The following GALNS variants were observed in gnomAD, a reference collection of about 807,000 sequenced individuals.
GALNS encodes N-acetylgalactosamine-6-sulfatase.
GALNS carries 65 observed loss-of-function variants against 65.9 expected under a neutral mutation model. That is an observed-to-expected ratio of 0.99 (90% CI 0.81 to 1.21). The LOEUF is 1.21. Among genes scored for constraint, GALNS ranks in the 50% most tolerant of loss-of-function variants. The pLI is 0.00. For synonymous variants in GALNS, 346 were observed against 288.9 expected, an observed-to-expected ratio of 1.20 and a Z score of -2.00; for missense variants, 776 against 700.7, an observed-to-expected ratio of 1.11 and a Z score of -1.21.
At position 88,818,036 on chromosome 16, in the gene GALNS, G is replaced by T. The variant is rs1277025124; in HGVS notation, c.1453C>A (p.Gln485Lys). Residue 485 changes from glutamine (Q) to lysine (K), a missense_variant, in exon 13 of 14, where the codon CAG (glutamine) becomes AAG (lysine). By Grantham distance (53) the Gln-to-Lys change is moderately conservative. Transcript: ENST00000268695. ...HQEALVPAQP[Q>K]LNVCNWAVMN... ...ACCGCCCAGTTGCACACGTTGAGCT[G>T]GGGCTGCGCGGGGACCAAGGCCTCC... 1.9e-6 allele frequency: 3 copies of T among 1,581,480 alleles called. No individual in the cohort carries two copies. The highest frequency in any genetic ancestry group is 2.3e-5 in the East Asian group (1 of 43,334).
intron 11 of GALNS, among the ~76,000 whole-genome samples, 176 bp from the exon 12 acceptor site, chr16:88,822,886 G>A (rs192600348): frequency 1.3e-5 from 2 of 152,254 alleles, no homozygotes; most frequent in African/African-American, 4.8e-5. Flanking sequence ...GCCTAGCAGC[G>A]TCCCTGGTAC....
chr16:88,839,661 G>A (rs948026024), intron 4 of GALNS, among the ~76,000 whole-genome samples: 10 of 152,234 alleles, frequency 6.6e-5, no homozygotes, highest in Admixed American at 5.2e-4. Context: ...CTGAGCAGCC[G>A]CTGTAGGACC....
intron 8 of GALNS, among the ~76,000 whole-genome samples, chr16:88,832,666 G>A (rs1240451929): frequency 6.6e-6 from 1 of 152,200 alleles, no homozygotes; most frequent in Non-Finnish European, 1.5e-5. Context: ...ATGGAAGAAG[G>A]GGGTGGGGGG....
chr16:88,843,735 G>C (rs1292487391), intron 1 of GALNS: 1 of 146,202 alleles, frequency 6.8e-6, no homozygotes, highest in Non-Finnish European at 1.4e-5. Flanking sequence ...CCAGAATCCG[G>C]CAAGAATCCA....
intron 13 of GALNS, chr16:88,815,840 AG>A (rs1909564646): frequency 1.0e-6 from 1 of 984,510 alleles, no homozygotes; most frequent in African/African-American, 1.8e-5. Flanking sequence ...AGGCAGCCGC[AG>A]GGTGTGTTTG....
chr16:88,826,127 C>G (rs972117977), intron 10 of GALNS, among the ~76,000 whole-genome samples: 1 of 141,264 alleles, frequency 7.1e-6, no homozygotes, highest in Non-Finnish European at 1.5e-5. Context: ...CCAGGCTGGG[C>G]AGGGAACAGG....
At chr16:88,835,623 C>G (rs1912039364) in intron 7 of GALNS, 102 bp downstream of exon 7, 2 of 1,565,658 alleles carry the variant, frequency 1.3e-6, no homozygotes, top group Admixed American at 1.7e-5. Context: ...TCTGGCCTTT[C>G]CATAATTGGC....
At chr16:88,842,293 C>A (rs779828407) in intron 2 of GALNS, 8 of 529,452 alleles carry the variant, frequency 1.5e-5, no homozygotes, top group Non-Finnish European at 2.1e-5. Context: ...CAGCCCCGTG[C>A]CCTGCCTTCT....
intron 1 of GALNS, among the ~76,000 whole-genome samples, chr16:88,854,469 C>A (rs1244120076): frequency 2.0e-5 from 3 of 152,220 alleles, no homozygotes. Context: ...CTTCAGGGAA[C>A]CCCCTCTCTG....
rs113388419 is a variant in GALNS at position 88,846,269 on chromosome 16, C to T, written c.121-3440G>A. On this transcript the variant is annotated intron_variant, in intron 1 of 13. Transcript: ENST00000268695. ...GATATGATTCAGTAAGATGAGGTCA[C>T]TAACATGGGGGTGGACCCTCATCCC... Among the ~76,000 whole-genome samples, 540 of 152,210 alleles carry T rather than the reference C, an allele frequency of 3.5e-3. 2 individuals are homozygous for T. The highest frequency in any genetic ancestry group is 0.012 in the African/African-American group (505 of 41,536).
chr16:88,834,835 G>A (rs891233080), intron 8 of GALNS, among the ~76,000 whole-genome samples: 7 of 152,132 alleles, frequency 4.6e-5, no homozygotes, highest in Non-Finnish European at 1.0e-4. Context: ...ACACTCACAG[G>A]GCTGCTCGGG....
intron 13 of GALNS, chr16:88,816,990 C>A (rs1320019801): frequency 1.0e-6 from 1 of 985,294 alleles, no homozygotes; most frequent in Non-Finnish European, 1.2e-6. Context: ...GCTCTGGGCA[C>A]CCAGGAGCGA....
At chr16:88,843,312 C>T (rs933577234) in intron 1 of GALNS, 32 of 820,230 alleles carry the variant, frequency 3.9e-5, no homozygotes, top group African/African-American at 8.8e-5. Flanking sequence ...TGCAGTTCCA[C>T]GCTGCAACTC....
chr16:88,824,257 C>T lies in GALNS; in HGVS notation c.1242+510G>A, dbSNP rs545678703. ...TGGGGAGGGAGCAGGAGGCTTGAGG[C>T]GAGGGCTCGTGGGAGAAAGCCTGGC... On this transcript the variant is annotated intron_variant, in intron 11 of 13. Transcript: ENST00000268695. Among the ~76,000 whole-genome samples, 7 of 152,136 alleles carry T rather than the reference C, an allele frequency of 4.6e-5. No individual in the cohort carries two copies. The East Asian group carries it at 5.8e-4, about 13-fold the overall frequency.
chr16:88,818,103 C>T lies in GALNS; in HGVS notation c.1386G>A (p.Gln462=). The change falls in exon 13 of 14, where the codon CAG becomes CAA. Residue 462 remains glutamine, a synonymous_variant. Transcript: ENST00000268695. The part of the protein sequence containing the change: ...FPLSFASAEY[Q]EALSRITSVV... ...CCGAGGTGATCCTGCTGAGGGCCTCCTGGTACTCGGCGCTGGCAAAGCTGG... is the reference window on the plus strand; with the variant it reads ...CCGAGGTGATCCTGCTGAGGGCCTCTTGGTACTCGGCGCTGGCAAAGCTGG... 2 of 1,573,398 alleles carry T rather than the reference C, an allele frequency of 1.3e-6. No homozygotes were observed. Among genetic ancestry groups the T allele is most frequent in the Non-Finnish European group, 1.7e-6 (2 of 1,166,638 alleles).
chr16:88,834,073 C>G lies in GALNS; in HGVS notation c.898+1140G>C, dbSNP rs1447149073. On this transcript the variant is annotated intron_variant, in intron 8 of 13. Transcript: ENST00000268695. ...TGCCTGTAGCCCTCCACACATGGGTCTGTTGGGGGCCTCGACTCGTGGGTC... is the reference window on the plus strand; with the variant it reads ...TGCCTGTAGCCCTCCACACATGGGTGTGTTGGGGGCCTCGACTCGTGGGTC... 3.9e-5 allele frequency among the ~76,000 whole-genome samples: 6 copies of G among 152,136 alleles called. No homozygotes were observed. The East Asian group carries it at 1.2e-3, about 29-fold the overall frequency.
chr16:88,856,156 A>T (rs773753814), intron 1 of GALNS: 1 of 702,780 alleles, frequency 1.4e-6, no homozygotes, highest in South Asian at 1.5e-5. Flanking sequence ...GCACTTGCCC[A>T]CCAGGAGACA....
chr16:88,842,021 G>C, intron 2 of GALNS, 50 bp from the exon 3 acceptor site: 2 of 1,520,558 alleles, frequency 1.3e-6, no homozygotes, highest in Non-Finnish European at 1.8e-6. Context: ...GTGTGGCTCA[G>C]ACCCCGGGCG....
At chr16:88,822,800 G>T in intron 11 of GALNS, 90 bp from the exon 12 acceptor site, 1 of 1,545,594 alleles carries the variant, frequency 6.5e-7, no homozygotes. Context: ...GCCCCTGACT[G>T]CGGCCGTGAG....
Sources: gnomAD v4.1 joint callset for allele counts (sites outside exome capture counted in the v4.1 genomes callset) on GRCh38, gnomAD v4.1.1 for gene constraint, MANE v1.5 for transcripts, NCBI Gene and HGNC (gene_info 2026-07-23, HGNC 2026-07-21) for gene names.